Variants in CXCL13 observed in about 807,000 individuals in gnomAD.
CXCL13 encodes the protein C-X-C motif chemokine 13.
Under a neutral mutation model 12.2 loss-of-function variants are expected in CXCL13, and 7 were observed. That is an observed-to-expected ratio of 0.57 (90% CI 0.33 to 1.07). The LOEUF is 1.07. Among genes scored for constraint, CXCL13 ranks in the 50% least tolerant of loss-of-function variants. The pLI, the probability that CXCL13 is intolerant of heterozygous loss-of-function variation, is 0.04. For missense variants in CXCL13, 113 were observed against 127.4 expected (o/e 0.89, Z 0.55); for synonymous variants, 47 against 42.4 (o/e 1.11, Z -0.42).
At chr4:77,582,413 G>C (rs2109825436) in intron 1 of CXCL13, among the ~76,000 whole-genome samples, 2 of 152,314 alleles carry the variant, frequency 1.3e-5, no homozygotes, top group Non-Finnish European at 1.5e-5. Context: ...GTGGGATCAG[G>C]GGAGACATTC....
At chr4:77,514,710 T>C (rs1219165981) in intron 1 of CXCL13, among the ~76,000 whole-genome samples, 3 of 152,060 alleles carry the variant, frequency 2.0e-5, no homozygotes, top group Non-Finnish European at 4.4e-5. Flanking sequence ...ATATTAGCCC[T>C]TTGTCAGATG....
intron 1 of CXCL13, among the ~76,000 whole-genome samples, chr4:77,535,357 C>A (rs1725036096): frequency 6.6e-6 from 1 of 152,188 alleles, no homozygotes. Flanking sequence ...CGTACCCTTT[C>A]CAGTTGAGCC....
intron 1 of CXCL13, among the ~76,000 whole-genome samples, chr4:77,594,458 T>A (rs1358897064): frequency 6.6e-6 from 1 of 152,196 alleles, no homozygotes; most frequent in Non-Finnish European, 1.5e-5. Flanking sequence ...CCCCCAATAC[T>A]TGCATCAAAA....
rs1252778420 is a variant in CXCL13 at position 77,580,387 on chromosome 4, T to C, written c.-42-25437T>C. Among the ~76,000 whole-genome samples, 22 of 130,982 alleles carry C rather than the reference T, an allele frequency of 1.7e-4. No homozygotes were observed. In the Admixed American group the frequency reaches 1.9e-3, roughly 11 times the overall value. 85.9% of individuals were successfully genotyped at this position (130,982 alleles called of 152,430 possible). A position where few individuals can be genotyped will look rare whatever the true frequency, so the allele number is the denominator to read the frequency against. ...CTTTCACCAGGCTGGAGTGCAGTGG[T>C]GCAATCTTGGCTCACTGCAACCTCT... On this transcript the variant is annotated intron_variant, in intron 1 of 4. Transcript: ENST00000286758.
intron 1 of CXCL13, among the ~76,000 whole-genome samples, chr4:77,514,305 C>T (rs1451586228): frequency 6.6e-6 from 1 of 150,650 alleles, no homozygotes; most frequent in East Asian, 1.9e-4. Context: ...ATTTATAGTC[C>T]TTTGGGTATA....
At chr4:77,553,391 G>A (rs1345348909) in intron 1 of CXCL13, among the ~76,000 whole-genome samples, 1 of 152,238 alleles carries the variant, frequency 6.6e-6, no homozygotes, top group Non-Finnish European at 1.5e-5. Context: ...GTATGTGCCT[G>A]GGTTAAAAAT....
At chr4:77,563,489 C>T (rs983581160) in intron 1 of CXCL13, among the ~76,000 whole-genome samples, 2 of 152,184 alleles carry the variant, frequency 1.3e-5, no homozygotes, top group Non-Finnish European at 2.9e-5. Context: ...TAATTAAATC[C>T]TTATCTCAGG....
At chr4:77,575,204 T>A (rs2058745333) in intron 1 of CXCL13, among the ~76,000 whole-genome samples, 2 of 152,010 alleles carry the variant, frequency 1.3e-5, no homozygotes, top group Admixed American at 6.5e-5. Context: ...TTTGCTTTTT[T>A]AAAATTTCTG....
upstream of CXCL13, among the ~76,000 whole-genome samples, chr4:77,600,995 C>T (rs1345891621): frequency 2.0e-5 from 3 of 152,166 alleles, no homozygotes; most frequent in African/African-American, 7.2e-5. Context: ...GGTCAGCACA[C>T]AGGCAGGGTC....
intron 1 of CXCL13, among the ~76,000 whole-genome samples, chr4:77,549,124 G>A (rs939667617): frequency 7.2e-5 from 11 of 151,990 alleles, no homozygotes; most frequent in Non-Finnish European, 1.3e-4. Context: ...CCACTGGATC[G>A]AATCAGCTAC....
chr4:77,552,128 G>C (rs996208828), intron 1 of CXCL13, among the ~76,000 whole-genome samples: 2 of 152,162 alleles, frequency 1.3e-5, no homozygotes, highest in Admixed American at 6.5e-5. Flanking sequence ...GAGGTAGTGT[G>C]ATACTTTGGT....
chr4:77,593,592 T>C (rs980329659), intron 1 of CXCL13, among the ~76,000 whole-genome samples: 2 of 152,268 alleles, frequency 1.3e-5, no homozygotes, highest in African/African-American at 2.4e-5. Context: ...CATTTCACAT[T>C]TTATTAAGCA....
At chr4:77,523,267 T>C (rs1251313256) in intron 1 of CXCL13, among the ~76,000 whole-genome samples, 1 of 152,216 alleles carries the variant, frequency 6.6e-6, no homozygotes, top group Non-Finnish European at 1.5e-5. Flanking sequence ...CCTTGCTATG[T>C]TGGGGAAGTT....
At chr4:77,518,445 A>C (rs1724487312) in intron 1 of CXCL13, among the ~76,000 whole-genome samples, 1 of 152,054 alleles carries the variant, frequency 6.6e-6, no homozygotes, top group Non-Finnish European at 1.5e-5. Context: ...TGAGATGTAG[A>C]TTTGGTCTTT....
At position 77,611,331 on chromosome 4, in the gene CXCL13, T is replaced by C; in HGVS notation, c.*292T>C. ...GATTATTTTGATTATATACTTGTTG[T>C]TTAATGTTTAAAATTTCTTAGAAAA... On this transcript the variant is annotated 3_prime_UTR_variant, in exon 4 of 4. Transcript: ENST00000682537. 1 of 359,880 alleles carries C rather than the reference T, an allele frequency of 2.8e-6. No homozygotes were observed. Among genetic ancestry groups the C allele is most frequent in the Non-Finnish European group, 4.9e-6 (1 of 203,076 alleles). The allele number at this position is 359,880 out of a possible 1,614,324, so 22.3% of individuals were successfully genotyped here. A position where few individuals can be genotyped will look rare whatever the true frequency, so the allele number is the denominator to read the frequency against.
chr4:77,591,017 T>G lies in CXCL13; in HGVS notation c.-42-14807T>G, dbSNP rs532217221. Among the ~76,000 whole-genome samples the G allele has an allele frequency of 8.5e-5, 13 of 152,254 alleles. No homozygotes were observed. In the South Asian group the frequency reaches 2.7e-3, roughly 32 times the overall value. On this transcript the variant is annotated intron_variant, in intron 1 of 4. Transcript: ENST00000286758. ...GCCTCAGCCTCCTAAGTAGCTGGGA[T>G]TACAGGCATGCACTCCACACCCAGA... is the stretch of plus-strand genomic sequence containing the variant.
At chr4:77,572,534 G>A (rs1434102839) in intron 1 of CXCL13, among the ~76,000 whole-genome samples, 2 of 151,818 alleles carry the variant, frequency 1.3e-5, no homozygotes, top group Non-Finnish European at 2.9e-5. Flanking sequence ...AAACCACAAT[G>A]AGATAGCATC....
chr4:77,579,526 C>T (rs1348478132), intron 1 of CXCL13, among the ~76,000 whole-genome samples: 1 of 152,128 alleles, frequency 6.6e-6, no homozygotes, highest in Non-Finnish European at 1.5e-5. Context: ...CTATTGGAGT[C>T]CCCAGAAGTC....
At chr4:77,594,954 A>G (rs150314575) in intron 1 of CXCL13, among the ~76,000 whole-genome samples, 210 of 152,290 alleles carry the variant, frequency 1.4e-3, no homozygotes, top group African/African-American at 4.5e-3. Context: ...AATAAAATAC[A>G]GAAAAATAGA....
Sources: gnomAD v4.1 joint callset for allele counts (sites outside exome capture counted in the v4.1 genomes callset) on GRCh38, gnomAD v4.1.1 for gene constraint, MANE v1.5 for transcripts, NCBI Gene and HGNC (gene_info 2026-07-23, HGNC 2026-07-21) for gene names.